Variants in OR1L8 observed in about 807,000 individuals in gnomAD.
The protein encoded by OR1L8 is olfactory receptor family 1 subfamily L member 8.
For synonymous variants in OR1L8, 148 were observed against 147.0 expected, an observed-to-expected ratio of 1.01 and a Z score of -0.05; for missense variants, 330 against 377.4, an observed-to-expected ratio of 0.87 and a Z score of 1.04.
chr9:122,547,564 A>G, the OR1L8 span, among the ~76,000 whole-genome samples: 1 of 151,238 alleles, frequency 6.6e-6, no homozygotes, highest in African/African-American at 2.4e-5. Flanking sequence ...TCCAATGTCT[A>G]TTATTCCACT....
At chr9:122,567,111 T>C (rs1233006779), downstream of OR1L8, 3 of 152,418 alleles carry the variant, frequency 2.0e-5, no homozygotes, top group Non-Finnish European at 2.9e-5. Context: ...AGCTAAAATA[T>C]ATATCCTCCT....
chr9:122,576,332 C>T (rs1390304198), intron 3 of OR1L8, among the ~76,000 whole-genome samples: 1 of 152,078 alleles, frequency 6.6e-6, no homozygotes, highest in Non-Finnish European at 1.5e-5. Flanking sequence ...AGCAATTCTC[C>T]TGGCTCAGCC....
chr9:122,550,488 A>G, the OR1L8 span, among the ~76,000 whole-genome samples: 1 of 152,310 alleles, frequency 6.6e-6, no homozygotes, highest in Admixed American at 6.5e-5. Flanking sequence ...AATAGATGCA[A>G]AAATTCTCCA....
Position 122,568,326 on chromosome 9 carries a change from C to T in OR1L8, c.152G>A (p.Arg51His), listed in dbSNP as rs766769430. The T allele has an allele frequency of 9.9e-6, 16 of 1,613,910 alleles. No homozygotes were observed. The highest frequency in any genetic ancestry group is 2.7e-5 in the African/African-American group (2 of 74,866). Reference protein sequence around the residue: ...TGNLLIILAIRFNPHLQTPMY... With the variant: ...TGNLLIILAIHFNPHLQTPMY... ...AGGGGTCTGAAGATGGGGGTTGAAG[C>T]GAATGGCCAGGATGATGAGCAGGTT... The change falls in exon 5 of 5, where the codon CGC becomes CAC. Residue 51 changes from arginine to histidine, a missense_variant. Arg to His is a conservative substitution (Grantham distance 29, BLOSUM62 0). Transcript: ENST00000641027.
At chr9:122,560,943 C>T in the OR1L8 span, among the ~76,000 whole-genome samples, 1 of 152,174 alleles carries the variant, frequency 6.6e-6, no homozygotes, top group Non-Finnish European at 1.5e-5. Flanking sequence ...TTCCATTCTT[C>T]CCATCTCTTT....
chr9:122,574,927 A>G (rs979184601), intron 3 of OR1L8, among the ~76,000 whole-genome samples: 5 of 152,028 alleles, frequency 3.3e-5, no homozygotes, highest in African/African-American at 7.2e-5. Context: ...GAGTTTGTCA[A>G]ATGATTTTTC....
chr9:122,551,752 G>A, the OR1L8 span, among the ~76,000 whole-genome samples: 3,781 of 152,144 alleles, frequency 0.025, 273 homozygotes, highest in East Asian at 0.29. Flanking sequence ...CACCGAGGTC[G>A]ACCTTAACGA....
At chr9:122,551,877 C>G in the OR1L8 span, among the ~76,000 whole-genome samples, 1 of 152,104 alleles carries the variant, frequency 6.6e-6, no homozygotes, top group African/African-American at 2.4e-5. Flanking sequence ...CTAATAAACT[C>G]TGGACTCAAT....
downstream of OR1L8, among the ~76,000 whole-genome samples, chr9:122,563,409 T>C (rs1327898181): frequency 6.6e-6 from 1 of 152,226 alleles, no homozygotes; most frequent in Non-Finnish European, 1.5e-5. Flanking sequence ...GATGTCTTCT[T>C]TTAAGAAATA....
At chr9:122,566,536 AT>A (rs1443068729), downstream of OR1L8, among the ~76,000 whole-genome samples, 1 of 152,184 alleles carries the variant, frequency 6.6e-6, no homozygotes, top group East Asian at 1.9e-4. Context: ...GTAAAGATAT[AT>A]TTGATTCTTT....
Position 122,570,447 on chromosome 9 carries a change from G to C in OR1L8, c.-212-1758C>G, listed in dbSNP as rs114152738. Among the ~76,000 whole-genome samples, 1,043 of 152,276 alleles carry C rather than the reference G, an allele frequency of 6.8e-3. 11 individuals are homozygous for C. Among genetic ancestry groups the C allele is most frequent in the African/African-American group, 0.024 (1,014 of 41,536 alleles). On this transcript the variant is annotated intron_variant, in intron 4 of 4. Transcript: ENST00000641027. ...AAATGTTGGCTATTTATATATTGAT[G>C]TACTAAAAAATTAAATGCTTACATT...
intron 3 of OR1L8, among the ~76,000 whole-genome samples, chr9:122,576,560 G>T (rs564529902): frequency 7.2e-5 from 11 of 152,174 alleles, no homozygotes; most frequent in Admixed American, 5.9e-4. Flanking sequence ...TTCACTCATT[G>T]TTGGGCAGTT....
chr9:122,570,217 A>G (rs1252272158), intron 4 of OR1L8, among the ~76,000 whole-genome samples: 1 of 150,928 alleles, frequency 6.6e-6, no homozygotes, highest in Non-Finnish European at 1.5e-5. Context: ...GCTGGGTCAA[A>G]TGGTATTTCT....
chr9:122,562,275 G>T (rs1025684975), downstream of OR1L8, among the ~76,000 whole-genome samples: 2 of 152,274 alleles, frequency 1.3e-5, no homozygotes, highest in African/African-American at 4.8e-5. Flanking sequence ...AGCAGTCCCA[G>T]TGTTGGCTGC....
downstream of OR1L8, among the ~76,000 whole-genome samples, chr9:122,566,394 C>T (rs1829427275): frequency 6.6e-6 from 1 of 152,190 alleles, no homozygotes; most frequent in Non-Finnish European, 1.5e-5. Flanking sequence ...TCCCCCTGCC[C>T]TTCCATTCTT....
chr9:122,561,355 A>C, the OR1L8 span, among the ~76,000 whole-genome samples: 3 of 152,000 alleles, frequency 2.0e-5, no homozygotes, highest in Non-Finnish European at 4.4e-5. Flanking sequence ...CATCTATTTC[A>C]TCCTCCATCC....
In OR1L8 at chr9:122,568,699, C is replaced by G; in HGVS notation, c.-212-10G>C. ...GGCATTATATTGAAATCTGGAGGGA[C>G]AGAGGGAGAGTTTTCCTTTAGAAAC... On this transcript the variant is annotated splice_polypyrimidine_tract_variant and intron_variant, in intron 4 of 4. Transcript: ENST00000641027. 1 of 446,632 alleles carries G rather than the reference C, an allele frequency of 2.2e-6. No homozygotes were observed. Among genetic ancestry groups the G allele is most frequent in the Middle Eastern group, 5.9e-4 (1 of 1,704 alleles). The allele number at this position is 446,632 out of a possible 1,614,324, so 27.7% of individuals were successfully genotyped here.
chr9:122,557,314 G>C, the OR1L8 span, among the ~76,000 whole-genome samples: 1 of 152,068 alleles, frequency 6.6e-6, no homozygotes. Flanking sequence ...TCTTAGTGCA[G>C]AGCTTTTAGT....
chr9:122,572,425 C>T (rs567431062), intron 4 of OR1L8, among the ~76,000 whole-genome samples: 1 of 152,156 alleles, frequency 6.6e-6, no homozygotes, highest in East Asian at 1.9e-4. Flanking sequence ...TTTGGATGCT[C>T]CAGACTGTAG....
Sources: allele counts gnomAD v4.1 joint callset (sites outside exome capture counted in the v4.1 genomes callset), GRCh38; gene constraint gnomAD v4.1.1; transcripts MANE v1.5; gene names NCBI Gene and HGNC (gene_info 2026-07-23, HGNC 2026-07-21).